Variants in DENND1A observed in about 807,000 individuals in gnomAD.
The protein encoded by DENND1A is DENN domain containing 1A.
DENND1A carries 51 observed loss-of-function variants against 113.7 expected under a neutral mutation model. The observed-to-expected ratio is 0.45, with a 90% CI of 0.36 to 0.57. The LOEUF (loss-of-function observed/expected upper bound fraction) is 0.57. Among genes scored for constraint, DENND1A ranks in the 20% least tolerant of loss-of-function variants. The pLI is 0.00. For missense variants in DENND1A, 1,258 were observed against 1,395.9 expected (o/e 0.90, Z 1.57); for synonymous variants, 565 against 570.8 (o/e 0.99, Z 0.14).
intron 14 of DENND1A, 78 bp from the exon 15 acceptor site, chr9:123,457,513 G>T: frequency 1.7e-6 from 2 of 1,180,774 alleles, no homozygotes; most frequent in Non-Finnish European, 2.5e-6. Flanking sequence ...GCACCTTACT[G>T]TATCCAAGGT....
At position 123,851,661 on chromosome 9, in the gene DENND1A, G is replaced by A. The variant is rs866818798; in HGVS notation, c.88+27290C>T. On this transcript the variant is annotated intron_variant, in intron 2 of 23. Transcript: ENST00000394215. ...ACTAGAAAACCAAAGTAGAAAAGGC[G>A]GGCTTATCTCAAAGACATTTGTGGG... Among the ~76,000 whole-genome samples, 11 of 152,086 alleles carry A rather than the reference G, an allele frequency of 7.2e-5. No homozygotes were observed. In the South Asian group the frequency reaches 1.0e-3, roughly 14 times the overall value.
At chr9:123,618,424 T>C (rs1298124577) in intron 10 of DENND1A, among the ~76,000 whole-genome samples, 1 of 152,120 alleles carries the variant, frequency 6.6e-6, no homozygotes, top group Non-Finnish European at 1.5e-5. Flanking sequence ...GAATGTGTCA[T>C]GAGAAATGGA....
chr9:123,647,845 A>C (rs752464853), intron 9 of DENND1A, among the ~76,000 whole-genome samples: 6 of 152,210 alleles, frequency 3.9e-5, no homozygotes, highest in Non-Finnish European at 7.3e-5. Flanking sequence ...TAAAACCTAA[A>C]AAAAGCCACT....
intron 4 of DENND1A, among the ~76,000 whole-genome samples, chr9:123,758,610 A>AAAT (rs1360665464): frequency 6.6e-6 from 1 of 152,226 alleles, no homozygotes; most frequent in Non-Finnish European, 1.5e-5. Flanking sequence ...TAGAGGACAG[A>AAAT]AATAACCAAA....
At chr9:123,524,944 T>C (rs565315790) in intron 13 of DENND1A, among the ~76,000 whole-genome samples, 18 of 152,264 alleles carry the variant, frequency 1.2e-4, no homozygotes, top group African/African-American at 3.9e-4. Context: ...AGCTAGAGAA[T>C]TGCATTTTAA....
intron 1 of DENND1A, among the ~76,000 whole-genome samples, chr9:123,894,374 AAT>A (rs1480900372): frequency 6.6e-6 from 1 of 152,274 alleles, no homozygotes; most frequent in Non-Finnish European, 1.5e-5. Context: ...ATTTATGAGT[AAT>A]CTAAATACAC....
intron 21 of DENND1A, among the ~76,000 whole-genome samples, chr9:123,396,427 T>C (rs376386596): frequency 9.8e-5 from 15 of 152,334 alleles, no homozygotes; most frequent in African/African-American, 3.6e-4. Context: ...CCCTGTGTGA[T>C]CCACAGCTGG....
At chr9:123,524,408 C>T (rs986294182) in intron 13 of DENND1A, among the ~76,000 whole-genome samples, 14 of 152,196 alleles carry the variant, frequency 9.2e-5, no homozygotes, top group Admixed American at 8.5e-4. Context: ...GAAAGAAAGG[C>T]TGCAAACGCA....
At chr9:123,637,523 G>A (rs2061767098) in intron 9 of DENND1A, among the ~76,000 whole-genome samples, 1 of 152,024 alleles carries the variant, frequency 6.6e-6, no homozygotes, top group Admixed American at 6.6e-5. Context: ...AAATCTGCAG[G>A]GACTCTGTGA....
intron 12 of DENND1A, among the ~76,000 whole-genome samples, chr9:123,564,088 TACA>T (rs1417705035): frequency 6.6e-6 from 1 of 152,302 alleles, no homozygotes; most frequent in East Asian, 1.9e-4. Flanking sequence ...ACAAATCGGC[TACA>T]AGTTAGCTTA....
intron 2 of DENND1A, among the ~76,000 whole-genome samples, chr9:123,823,988 T>C (rs937810524): frequency 1.3e-5 from 2 of 152,222 alleles, no homozygotes; most frequent in Non-Finnish European, 2.9e-5. Context: ...CAGTAGGCAC[T>C]GTGGTATCGC....
chr9:123,716,763 T>A (rs541534562), intron 5 of DENND1A, among the ~76,000 whole-genome samples: 4 of 152,296 alleles, frequency 2.6e-5, no homozygotes, highest in African/African-American at 9.6e-5. Context: ...TTCAGGGAAG[T>A]TACTGCTTTT....
Position 123,436,269 on chromosome 9 carries a change from G to C in DENND1A, c.1488+4091C>G, listed in dbSNP as rs140941881. On this transcript the variant is annotated intron_variant, in intron 19 of 23. Transcript: ENST00000394215. ...TCACCCCTTCCAGCTCCCTCCTGGG[G>C]AGCAGCCAGGGCAACGCCCTCCCGC... Among the ~76,000 whole-genome samples, 905 of 152,340 alleles carry C rather than the reference G, an allele frequency of 5.9e-3. 10 individuals are homozygous for C. Among genetic ancestry groups the C allele is most frequent in the African/African-American group, 0.021 (854 of 41,576 alleles).
chr9:123,383,730 C>T lies in DENND1A; in HGVS notation c.1944G>A (p.Leu648=), dbSNP rs1000385483. ...NLDMEAALQP[L]GQAKSLEDLR... ...GGTCCTCTAAGCTCTTGGCCTGGCC[C>T]AGTGGCTGCAGTGCGGCCTCCATGT... is the stretch of plus-strand genomic sequence containing the variant. Residue 648 remains leucine, a synonymous_variant, in exon 23 of 24, where the codon CTG becomes CTA. Transcript: ENST00000394215. 1.2e-6 allele frequency: 2 copies of T among 1,614,188 alleles called. No homozygotes were observed. Among genetic ancestry groups the T allele is most frequent in the African/African-American group, 1.3e-5 (1 of 75,070 alleles).
chr9:123,582,274 G>C (rs1026096863), intron 12 of DENND1A, among the ~76,000 whole-genome samples: 2 of 152,210 alleles, frequency 1.3e-5, no homozygotes, highest in Admixed American at 1.3e-4. Context: ...CAGCGTGCTG[G>C]GGAGAGCTGG....
chr9:123,752,340 A>C (rs1487725095), intron 5 of DENND1A, among the ~76,000 whole-genome samples: 1 of 152,228 alleles, frequency 6.6e-6, no homozygotes, highest in Non-Finnish European at 1.5e-5. Context: ...TAATTGAATA[A>C]AAATTTAAAA....
Position 123,792,607 on chromosome 9 carries a change from G to T in DENND1A, c.112C>A (p.Pro38Thr). ...CGAACCTGGTCACTGTAGTCCTCCG[G>T]GAATTGCCTCTGCACCTCAGGATCT... ...LSDPEVQRQF[P>T]EDYSDQEVLQ... Residue 38 changes from proline to threonine, a missense_variant, in exon 3 of 24, where the codon CCG (proline) becomes ACG (threonine). Pro to Thr is a conservative substitution (Grantham distance 38, BLOSUM62 -1). Coordinates refer to ENST00000394215, the MANE Select transcript of DENND1A (RefSeq NM_001352964.2). The T allele has an allele frequency of 6.2e-7, 1 of 1,612,422 alleles. No homozygotes were observed. The highest frequency in any genetic ancestry group is 8.5e-7 in the Non-Finnish European group (1 of 1,179,140).
At chr9:123,885,794 C>A (rs1848984468) in intron 1 of DENND1A, among the ~76,000 whole-genome samples, 1 of 151,460 alleles carries the variant, frequency 6.6e-6, no homozygotes, top group African/African-American at 2.4e-5. Flanking sequence ...CTTTTTTTTT[C>A]TTTTCGAGAT....
At chr9:123,610,334 A>G (rs1461680534) in intron 10 of DENND1A, among the ~76,000 whole-genome samples, 2 of 152,228 alleles carry the variant, frequency 1.3e-5, no homozygotes, top group African/African-American at 2.4e-5. Context: ...CCACATAACA[A>G]CTTTGCAATA....
Sources: allele counts gnomAD v4.1 joint callset (sites outside exome capture counted in the v4.1 genomes callset), GRCh38; gene constraint gnomAD v4.1.1; transcripts MANE v1.5; gene names NCBI Gene and HGNC (gene_info 2026-07-23, HGNC 2026-07-21).